The following ATRNL1 variants were observed in gnomAD, a reference collection of about 807,000 sequenced individuals.
ATRNL1 encodes attractin-like protein 1.
A neutral mutation model predicts 182.7 loss-of-function variants in ATRNL1; 95 were observed. The observed-to-expected ratio is 0.52, with a 90% CI of 0.44 to 0.62. The LOEUF (loss-of-function observed/expected upper bound fraction) is 0.62, where lower values mean the gene tolerates loss of function less well. Among genes scored for constraint, ATRNL1 ranks in the 20% least tolerant of loss-of-function variants. The pLI, the probability that ATRNL1 is intolerant of heterozygous loss-of-function variation, is 0.00. For missense variants in ATRNL1, 1,471 were observed against 1,679.5 expected (o/e 0.88, Z 2.17); for synonymous variants, 576 against 568.3 (o/e 1.01, Z -0.19).
chr10:115,107,690 A>G (rs955051656), intron 1 of ATRNL1, among the ~76,000 whole-genome samples: 12 of 152,266 alleles, frequency 7.9e-5, no homozygotes, highest in African/African-American at 2.9e-4. Context: ...TTTCAGATCT[A>G]CATTGAGGTA....
intron 10 of ATRNL1, among the ~76,000 whole-genome samples, chr10:115,247,322 C>T (rs2133833482): frequency 6.6e-6 from 1 of 151,948 alleles, no homozygotes; most frequent in Admixed American, 6.6e-5. Context: ...TAAAAAAAAC[C>T]TCAACAAACA....
chr10:115,300,372 T>C, intron 16 of ATRNL1, 125 bp downstream of exon 16: 1 of 678,322 alleles, frequency 1.5e-6, no homozygotes, highest in Non-Finnish European at 2.4e-6. Context: ...ATACACATTC[T>C]TCCCCACTTA....
rs558201138 is a variant in ATRNL1, at chr10:115,557,848, C to T, written c.3795+8312C>T. On this transcript the variant is annotated intron_variant, in intron 26 of 28. Transcript: ENST00000355044. ...GATCATGAGGTCAAGAGATCGAGAC[C>T]ATCCTGGCGAACATGGTGAAACCCC... Among the ~76,000 whole-genome samples the T allele has an allele frequency of 2.0e-4, 30 of 152,092 alleles. No individual in the cohort carries two copies. In the South Asian group the frequency reaches 6.0e-3, roughly 31 times the overall value.
chr10:115,858,476 G>A (rs1192453077), intron 28 of ATRNL1, among the ~76,000 whole-genome samples: 1 of 152,140 alleles, frequency 6.6e-6, no homozygotes, highest in East Asian at 1.9e-4. Flanking sequence ...ATTTCTAACT[G>A]GGAGCTGAAC....
At chr10:115,940,800 T>C (rs1052984910) in intron 28 of ATRNL1, among the ~76,000 whole-genome samples, 1 of 152,080 alleles carries the variant, frequency 6.6e-6, no homozygotes, top group East Asian at 1.9e-4. Context: ...GGTTCTCTTG[T>C]AGGTTGAAAG....
At chr10:115,100,751 T>C (rs1592097822) in intron 1 of ATRNL1, among the ~76,000 whole-genome samples, 1 of 152,200 alleles carries the variant, frequency 6.6e-6, no homozygotes, top group East Asian at 1.9e-4. Flanking sequence ...AATTTTAGAA[T>C]CAGCTTGTCA....
intron 10 of ATRNL1, among the ~76,000 whole-genome samples, chr10:115,253,358 G>A (rs1459238421): frequency 6.6e-6 from 1 of 152,136 alleles, no homozygotes; most frequent in Non-Finnish European, 1.5e-5. Flanking sequence ...GTCATTCTAG[G>A]AAGGGTGTGC....
rs1415026313 is a variant in ATRNL1 at position 115,899,706 on chromosome 10, ATAGTG to A, written c.4019-44951_4019-44947del. Among the ~76,000 whole-genome samples the A allele has an allele frequency of 2.6e-5, 4 of 152,314 alleles. No individual in the cohort carries two copies. The East Asian group carries it at 7.7e-4, about 29-fold the overall frequency. ...GCCTGTTAGATATGCAGAATTGGTA[ATAGTG>A]ATTGTCTTGAGACGCTGGACTTGGG... On this transcript the variant is annotated intron_variant, in intron 28 of 28. Transcript: ENST00000355044.
At chr10:115,151,007 T>A (rs1178875603) in intron 5 of ATRNL1, among the ~76,000 whole-genome samples, 15 of 152,318 alleles carry the variant, frequency 9.8e-5, no homozygotes, top group Non-Finnish European at 2.1e-4. Context: ...TTGCTGAGAA[T>A]GATGGTTTCC....
rs186613197 is a variant in ATRNL1, at chr10:115,724,281, C to T, written c.3796-2967C>T. Reference sequence around the variant, plus strand: ...AGTTCCAAATCTAAATTCATTTTACCACAATAATGACAGTTTCCAACTGTC... The same window carrying T: ...AGTTCCAAATCTAAATTCATTTTACTACAATAATGACAGTTTCCAACTGTC... On this transcript the variant is annotated intron_variant, in intron 26 of 28. Coordinates refer to ENST00000355044, the MANE Select transcript of ATRNL1 (RefSeq NM_207303.4). 2.0e-3 allele frequency among the ~76,000 whole-genome samples: 299 copies of T among 152,118 alleles called. 1 individual carries two copies. Among genetic ancestry groups the T allele is most frequent in the Non-Finnish European group, 2.5e-3 (171 of 67,988 alleles).
intron 28 of ATRNL1, among the ~76,000 whole-genome samples, chr10:115,900,503 A>G (rs1279133190): frequency 1.3e-5 from 2 of 152,256 alleles, no homozygotes; most frequent in Non-Finnish European, 2.9e-5. Flanking sequence ...AAGGCAAAAA[A>G]TAATATGTAG....
chr10:115,831,451 A>T (rs1950558551), intron 27 of ATRNL1, among the ~76,000 whole-genome samples: 1 of 152,144 alleles, frequency 6.6e-6, no homozygotes, highest in African/African-American at 2.4e-5. Flanking sequence ...CTCATAGATG[A>T]GTGCATATGG....
At chr10:115,350,464 A>G (rs973943952) in intron 19 of ATRNL1, among the ~76,000 whole-genome samples, 3 of 150,080 alleles carry the variant, frequency 2.0e-5, no homozygotes, top group Non-Finnish European at 4.4e-5. Flanking sequence ...CTTGAGAGTT[A>G]GGGGGTCTAG....
At chr10:115,867,632 T>C (rs1555105033) in intron 28 of ATRNL1, among the ~76,000 whole-genome samples, 1 of 152,226 alleles carries the variant, frequency 6.6e-6, no homozygotes, top group East Asian at 1.9e-4. Flanking sequence ...CCATCTTATA[T>C]TTTTTAACAT....
intron 5 of ATRNL1, among the ~76,000 whole-genome samples, chr10:115,137,840 C>T (rs192321430): frequency 2.5e-4 from 38 of 152,294 alleles, no homozygotes; most frequent in African/African-American, 8.4e-4. Flanking sequence ...AACAGTCCCC[C>T]GAAGTCATAA....
At chr10:115,943,513 T>A (rs766594396) in intron 28 of ATRNL1, among the ~76,000 whole-genome samples, 14 of 152,084 alleles carry the variant, frequency 9.2e-5, no homozygotes, top group Non-Finnish European at 2.1e-4. Flanking sequence ...CCTAAAACAC[T>A]GACAACAACA....
chr10:115,790,529 T>C (rs1337308939), intron 27 of ATRNL1, among the ~76,000 whole-genome samples: 1 of 152,098 alleles, frequency 6.6e-6, no homozygotes, highest in African/African-American at 2.4e-5. Flanking sequence ...TCAGTTAAGC[T>C]TATATCCAAC....
chr10:115,269,012 A>G (rs1157655857), intron 13 of ATRNL1, among the ~76,000 whole-genome samples: 1 of 152,210 alleles, frequency 6.6e-6, no homozygotes, highest in Non-Finnish European at 1.5e-5. Context: ...TCTAATAGGT[A>G]GAAGCAAGGG....
At chr10:115,586,717 G>T (rs1296051246) in intron 26 of ATRNL1, among the ~76,000 whole-genome samples, 1 of 120,842 alleles carries the variant, frequency 8.3e-6, no homozygotes, top group Non-Finnish European at 1.8e-5. Context: ...CCATATCTCA[G>T]AGTAATTTGA....
Sources: allele counts gnomAD v4.1 joint callset (sites outside exome capture counted in the v4.1 genomes callset), GRCh38; gene constraint gnomAD v4.1.1; transcripts MANE v1.5; gene names NCBI Gene and HGNC (gene_info 2026-07-23, HGNC 2026-07-21).